RUNDC3B: variants seen among roughly 807,000 people sequenced by gnomAD.
RUNDC3B encodes the protein RUN domain-containing protein 3B.
A neutral mutation model predicts 58.4 loss-of-function variants in RUNDC3B; 33 were observed. The observed-to-expected ratio is 0.56, with a 90% CI of 0.43 to 0.75. The LOEUF (loss-of-function observed/expected upper bound fraction) is 0.75. RUNDC3B is among the 30% of genes least tolerant of loss of function. RUNDC3B has a pLI of 0.00. For missense variants in RUNDC3B, 501 were observed against 535.7 expected (o/e 0.94, Z 0.64); for synonymous variants, 193 against 195.2 (o/e 0.99, Z 0.10).
chr7:87,702,071 A>T (rs997310953), intron 3 of RUNDC3B, among the ~76,000 whole-genome samples: 2 of 130,280 alleles, frequency 1.5e-5, no homozygotes, highest in African/African-American at 5.8e-5. Flanking sequence ...TGAACCCAGG[A>T]GGCGGAGCTT....
At chr7:87,739,987 G>C in intron 5 of RUNDC3B, 107 bp downstream of exon 5, 3 of 480,980 alleles carry the variant, frequency 6.2e-6, no homozygotes, top group Non-Finnish European at 1.1e-5. Context: ...GTTGGATATT[G>C]TTATTTGATT....
chr7:87,750,236 CCATGGTGTA>C (rs1333522878), intron 6 of RUNDC3B, among the ~76,000 whole-genome samples: 2 of 152,204 alleles, frequency 1.3e-5, no homozygotes, highest in South Asian at 2.1e-4. Flanking sequence ...TCATAGTATT[CCATGGTGTA>C]TATGTGCCAC....
chr7:87,711,695 A>T (rs1377528418), intron 4 of RUNDC3B, among the ~76,000 whole-genome samples: 1 of 152,198 alleles, frequency 6.6e-6, no homozygotes, highest in Non-Finnish European at 1.5e-5. Context: ...TATTACATAA[A>T]ATTGCAAATT....
In RUNDC3B at chr7:87,628,475, G is replaced by C. The variant is rs2130157894; in HGVS notation, c.-349G>C. On this transcript the variant is annotated 5_prime_UTR_variant, in exon 1 of 11. Coordinates refer to ENST00000394654, the MANE Select transcript of RUNDC3B (RefSeq NM_001134405.2). Reference sequence around the variant, plus strand: ...GCGTGAGGGGCCGACGGGCTCGCGCGCGCGCCGTCTGCTGAGGTCCCTCGG... The same window carrying C: ...GCGTGAGGGGCCGACGGGCTCGCGCCCGCGCCGTCTGCTGAGGTCCCTCGG... 1 of 186,778 alleles carries C rather than the reference G, an allele frequency of 5.4e-6. No individual in the cohort carries two copies. The allele number at this position is 186,778 out of a possible 1,614,324, so 11.6% of individuals were successfully genotyped here. A position where few individuals can be genotyped will look rare whatever the true frequency, so the allele number is the denominator to read the frequency against.
intron 6 of RUNDC3B, among the ~76,000 whole-genome samples, chr7:87,745,140 A>G (rs1487995824): frequency 6.6e-6 from 1 of 152,202 alleles, no homozygotes; most frequent in Non-Finnish European, 1.5e-5. Context: ...CATATGTTAA[A>G]GCATCCCTGC....
At chr7:87,825,450 G>T (rs1303465788) in intron 10 of RUNDC3B, among the ~76,000 whole-genome samples, 1 of 152,140 alleles carries the variant, frequency 6.6e-6, no homozygotes, top group Non-Finnish European at 1.5e-5. Flanking sequence ...GAAATACCTG[G>T]ATGCCCAGGC....
In RUNDC3B at chr7:87,671,339, G is replaced by A. The variant is rs1175084270; in HGVS notation, c.238+20402G>A. On this transcript the variant is annotated intron_variant, in intron 2 of 10. Transcript: ENST00000394654. ...TCAGAGAGGCTTTTAGTTTCCCCTA[G>A]AGGCCCTGTCCAGGGAGTTGCCAAG... 2.6e-5 allele frequency among the ~76,000 whole-genome samples: 4 copies of A among 152,200 alleles called. No individual in the cohort carries two copies. In the East Asian group the frequency reaches 7.7e-4, roughly 29 times the overall value.
At chr7:87,653,491 A>G (rs1823782766) in intron 2 of RUNDC3B, among the ~76,000 whole-genome samples, 1 of 152,078 alleles carries the variant, frequency 6.6e-6, no homozygotes, top group African/African-American at 2.4e-5. Context: ...CAATCTACTC[A>G]ACAGTATTTC....
At chr7:87,638,224 G>T (rs1323867966) in intron 1 of RUNDC3B, among the ~76,000 whole-genome samples, 1 of 151,850 alleles carries the variant, frequency 6.6e-6, no homozygotes, top group African/African-American at 2.4e-5. Flanking sequence ...TAATATTTTG[G>T]GATTTTTGCA....
Position 87,628,687 on chromosome 7 carries a change from CCCTT to C in RUNDC3B, c.-133_-130del. On this transcript the variant is annotated 5_prime_UTR_variant, in exon 1 of 11. Transcript: ENST00000394654. ...GTGCGAGTCCCTGCTGTCTTCCACA[CCCTT>C]CCTCCCTCCAGGCTCCTTTCCTACA... The C allele has an allele frequency of 2.0e-6, 1 of 511,398 alleles. No homozygotes were observed. The highest frequency in any genetic ancestry group is 1.1e-4 in the South Asian group (1 of 9,292). The allele number at this position is 511,398 out of a possible 1,614,324, so 31.7% of individuals were successfully genotyped here.
At chr7:87,681,496 G>T (rs183054505) in intron 2 of RUNDC3B, among the ~76,000 whole-genome samples, 1 of 150,664 alleles carries the variant, frequency 6.6e-6, no homozygotes, top group Non-Finnish European at 1.5e-5. Context: ...ATTAAAAGTT[G>T]TATTTACACT....
At chr7:87,666,009 G>A (rs1174219806) in intron 2 of RUNDC3B, among the ~76,000 whole-genome samples, 1 of 152,092 alleles carries the variant, frequency 6.6e-6, no homozygotes, top group Non-Finnish European at 1.5e-5. Flanking sequence ...CCGGTAATGG[G>A]ATTGCTGGGT....
At chr7:87,802,805 G>A (rs1388591734) in intron 8 of RUNDC3B, among the ~76,000 whole-genome samples, 1 of 152,002 alleles carries the variant, frequency 6.6e-6, no homozygotes, top group Non-Finnish European at 1.5e-5. Flanking sequence ...AGGAGTTTGA[G>A]ACCAGCCTGG....
intron 6 of RUNDC3B, among the ~76,000 whole-genome samples, chr7:87,765,906 A>T (rs972508717): frequency 9.2e-5 from 14 of 151,776 alleles, no homozygotes; most frequent in Non-Finnish European, 1.9e-4. Flanking sequence ...GAATTCCCTC[A>T]CTATTATTGT....
intron 8 of RUNDC3B, among the ~76,000 whole-genome samples, chr7:87,791,946 C>T (rs963178217): frequency 5.3e-5 from 8 of 151,924 alleles, no homozygotes; most frequent in African/African-American, 1.9e-4. Flanking sequence ...AAAAGCAAGA[C>T]CCAAAGATCT....
At chr7:87,658,210 G>A (rs1343086980) in intron 2 of RUNDC3B, among the ~76,000 whole-genome samples, 1 of 152,124 alleles carries the variant, frequency 6.6e-6, no homozygotes, top group Non-Finnish European at 1.5e-5. Flanking sequence ...AAGATACAAA[G>A]AAGACCAAAA....
chr7:87,747,398 A>G (rs1832709276), intron 6 of RUNDC3B, among the ~76,000 whole-genome samples: 1 of 152,088 alleles, frequency 6.6e-6, no homozygotes, highest in Admixed American at 6.6e-5. Flanking sequence ...GAGGGGTTGC[A>G]ATGGACTCTG....
intron 2 of RUNDC3B, among the ~76,000 whole-genome samples, chr7:87,698,099 A>G (rs1455601583): frequency 4.6e-5 from 7 of 152,092 alleles, no homozygotes; most frequent in Admixed American, 4.6e-4. Flanking sequence ...TTTATTTTTA[A>G]TTTTTTATTG....
chr7:87,799,637 G>A (rs533981675), intron 8 of RUNDC3B, among the ~76,000 whole-genome samples: 5 of 151,920 alleles, frequency 3.3e-5, no homozygotes, highest in South Asian at 2.1e-4. Flanking sequence ...GCCTGTAATC[G>A]CAGCACTTTG....
Sources: gnomAD v4.1 joint callset for allele counts (sites outside exome capture counted in the v4.1 genomes callset) on GRCh38, gnomAD v4.1.1 for gene constraint, MANE v1.5 for transcripts, NCBI Gene and HGNC (gene_info 2026-07-23, HGNC 2026-07-21) for gene names.